Variants in AUTS2 observed in about 807,000 individuals in gnomAD.
AUTS2 encodes autism susceptibility gene 2 protein.
In AUTS2, 17 loss-of-function variants were observed where a neutral mutation model predicts 112.4. The ratio of observed to expected loss-of-function variants is 0.15; its 90% CI spans 0.10 to 0.23. The LOEUF is 0.23. Among genes scored for constraint, AUTS2 ranks in the 10% least tolerant of loss-of-function variants. The pLI, the probability that AUTS2 is intolerant of heterozygous loss-of-function variation, is 1.00. For missense variants in AUTS2, 1,510 were observed against 1,701.6 expected (o/e 0.89, Z 1.98); for synonymous variants, 751 against 702.7 (o/e 1.07, Z -1.09).
intron 1 of AUTS2, among the ~76,000 whole-genome samples, chr7:69,767,184 C>G (rs1562869451): frequency 6.9e-6 from 1 of 144,874 alleles, no homozygotes; most frequent in Non-Finnish European, 1.5e-5. Context: ...TTGTCATCGT[C>G]TTTTTTTTTT....
At chr7:69,968,415 T>G (rs1299095146) in intron 2 of AUTS2, among the ~76,000 whole-genome samples, 1 of 152,210 alleles carries the variant, frequency 6.6e-6, no homozygotes, top group Non-Finnish European at 1.5e-5. Context: ...TTCTGGACTT[T>G]TAGGGGAAAA....
At chr7:70,505,231 T>A (rs985065022) in intron 5 of AUTS2, among the ~76,000 whole-genome samples, 1 of 152,158 alleles carries the variant, frequency 6.6e-6, no homozygotes, top group Non-Finnish European at 1.5e-5. Context: ...TTTTAAAGAC[T>A]TCCTTTTTGG....
In AUTS2 at chr7:70,418,103, G is replaced by GTGTGTC. The variant is rs1554396539; in HGVS notation, c.661-17644_661-17643insCTGTGT. Among the ~76,000 whole-genome samples, 204 of 149,114 alleles carry GTGTGTC rather than the reference G, an allele frequency of 1.4e-3. 2 individuals are homozygous for GTGTGTC. Among genetic ancestry groups the GTGTGTC allele is most frequent in the African/African-American group, 4.1e-3 (166 of 40,512 alleles). ...TGTGTGTGTGTGTGTGTGTGTGTGT[G>GTGTGTC]TGTGTGTGTCTGTGTGTGTAGACGG... On this transcript the variant is annotated intron_variant, in intron 4 of 18. Coordinates refer to ENST00000342771, the MANE Select transcript of AUTS2 (RefSeq NM_015570.4).
intron 2 of AUTS2, among the ~76,000 whole-genome samples, chr7:70,050,062 A>C (rs545984466): frequency 3.6e-4 from 55 of 152,128 alleles, no homozygotes; most frequent in African/African-American, 1.2e-3. Flanking sequence ...TGATTTTAGA[A>C]GTAGACTTTT....
intron 5 of AUTS2, among the ~76,000 whole-genome samples, chr7:70,542,969 G>C (rs562008274): frequency 1.2e-4 from 19 of 152,330 alleles, no homozygotes; most frequent in African/African-American, 4.1e-4. Context: ...CTAAGGGGCT[G>C]AGACAACTAG....
At chr7:69,601,745 G>C (rs1792419090) in intron 1 of AUTS2, among the ~76,000 whole-genome samples, 1 of 152,096 alleles carries the variant, frequency 6.6e-6, no homozygotes, top group South Asian at 2.1e-4. Flanking sequence ...CTTTAAGTTT[G>C]CCAAGGTGGG....
At chr7:70,487,899 G>A (rs758461340) in intron 5 of AUTS2, among the ~76,000 whole-genome samples, 8 of 152,180 alleles carry the variant, frequency 5.3e-5, no homozygotes, top group South Asian at 2.1e-4. Flanking sequence ...GTCTTTAACC[G>A]TTAAAATAGG....
intron 1 of AUTS2, among the ~76,000 whole-genome samples, chr7:69,660,804 G>A (rs550369527): frequency 6.6e-6 from 1 of 152,234 alleles, no homozygotes; most frequent in African/African-American, 2.4e-5. Flanking sequence ...GTGTGGTGGC[G>A]GGCACCTATA....
At chr7:70,625,791 C>A (rs1804908157) in intron 5 of AUTS2, among the ~76,000 whole-genome samples, 1 of 152,118 alleles carries the variant, frequency 6.6e-6, no homozygotes, top group African/African-American at 2.4e-5. Flanking sequence ...GTAACCATAT[C>A]CAATTGTGAG....
At chr7:70,324,529 G>A (rs1350767438) in intron 4 of AUTS2, among the ~76,000 whole-genome samples, 1 of 152,024 alleles carries the variant, frequency 6.6e-6, no homozygotes, top group Non-Finnish European at 1.5e-5. Context: ...GGAGGCTGAG[G>A]TGGGAGGATT....
chr7:70,449,906 C>T (rs1354775740), intron 5 of AUTS2, among the ~76,000 whole-genome samples: 1 of 152,116 alleles, frequency 6.6e-6, no homozygotes. Flanking sequence ...CCCTGCCCCA[C>T]CCAAGTATAA....
At chr7:70,223,048 C>T (rs939511918) in intron 4 of AUTS2, among the ~76,000 whole-genome samples, 11 of 151,874 alleles carry the variant, frequency 7.2e-5, no homozygotes, top group Non-Finnish European at 1.0e-4. Context: ...CCACCACACC[C>T]GGCTAATTTT....
chr7:70,093,885 C>T (rs1804049937), intron 2 of AUTS2, among the ~76,000 whole-genome samples: 1 of 152,198 alleles, frequency 6.6e-6, no homozygotes, highest in South Asian at 2.1e-4. Context: ...ATAACTACTC[C>T]TTGTGTGTAT....
At chr7:70,706,264 G>T (rs1429032264) in intron 6 of AUTS2, among the ~76,000 whole-genome samples, 3 of 152,186 alleles carry the variant, frequency 2.0e-5, no homozygotes, top group African/African-American at 7.2e-5. Context: ...CCCCATCGTG[G>T]TTATTCGGCT....
At chr7:69,718,576 G>T (rs1478117416) in intron 1 of AUTS2, among the ~76,000 whole-genome samples, 4 of 152,092 alleles carry the variant, frequency 2.6e-5, no homozygotes, top group African/African-American at 9.7e-5. Context: ...CCACTTTTAA[G>T]AACCCTTGAT....
At chr7:69,662,076 C>G (rs1274768828) in intron 1 of AUTS2, among the ~76,000 whole-genome samples, 1 of 152,114 alleles carries the variant, frequency 6.6e-6, no homozygotes, top group African/African-American at 2.4e-5. Context: ...TCCTCTCCCA[C>G]CGCCCATGTA....
intron 2 of AUTS2, among the ~76,000 whole-genome samples, chr7:69,932,873 A>G (rs888235912): frequency 1.3e-5 from 2 of 152,224 alleles, no homozygotes; most frequent in African/African-American, 4.8e-5. Flanking sequence ...TTTTAGCAGA[A>G]TTATACATGG....
intron 1 of AUTS2, among the ~76,000 whole-genome samples, chr7:69,858,691 A>C (rs1160986218): frequency 2.0e-5 from 3 of 152,214 alleles, no homozygotes; most frequent in African/African-American, 7.2e-5. Flanking sequence ...GAAGGCAAGG[A>C]AGCCTTGGCA....
At chr7:70,032,035 T>A (rs1406257740) in intron 2 of AUTS2, among the ~76,000 whole-genome samples, 1 of 152,178 alleles carries the variant, frequency 6.6e-6, no homozygotes, top group African/African-American at 2.4e-5. Context: ...TAGTCGGGGT[T>A]AACGTTTCTG....
Sources: allele counts gnomAD v4.1 joint callset (sites outside exome capture counted in the v4.1 genomes callset), GRCh38; gene constraint gnomAD v4.1.1; transcripts MANE v1.5; gene names NCBI Gene and HGNC (gene_info 2026-07-23, HGNC 2026-07-21).